NR3C1: variants seen among roughly 807,000 people sequenced by gnomAD.
NR3C1 encodes glucocorticoid receptor.
A neutral mutation model predicts 74.0 loss-of-function variants in NR3C1; 14 were observed. The observed-to-expected ratio is 0.19, with a 90% CI of 0.12 to 0.30. The LOEUF is 0.30. Ranked by LOEUF, NR3C1 falls within the 10% of genes least tolerant of loss-of-function variation. The pLI is 1.00. For synonymous variants in NR3C1, 308 were observed against 332.5 expected (o/e 0.93, Z 0.80); for missense variants, 695 against 909.8 (o/e 0.76, Z 3.04).
chr5:143,432,076 C>T (rs1462146079), intron 1 of NR3C1, among the ~76,000 whole-genome samples: 1 of 152,156 alleles, frequency 6.6e-6, no homozygotes, highest in East Asian at 1.9e-4. Context: ...GTAAAAACTG[C>T]CTTGCTTGGC....
rs1036308390 is a variant in NR3C1 at position 143,341,407 on chromosome 5, T to C, written c.1185-27239A>G. ...AGCAAAGTTATTAGAACAATGGTGA[T>C]TGTGAGAAGAGCTGAAAACAAAAGT... On this transcript the variant is annotated intron_variant, in intron 2 of 8. Transcript: ENST00000394464. Among the ~76,000 whole-genome samples the C allele has an allele frequency of 3.9e-5, 6 of 152,196 alleles. No individual in the cohort carries two copies. In the East Asian group the frequency reaches 1.2e-3, roughly 29 times the overall value.
chr5:143,347,408 T>C (rs189057010), intron 2 of NR3C1, among the ~76,000 whole-genome samples: 12 of 152,322 alleles, frequency 7.9e-5, no homozygotes, highest in Admixed American at 2.0e-4. Flanking sequence ...CTGCTATTTC[T>C]AGGCCTCAAC....
At chr5:143,428,965 A>G (rs1265443450) in intron 1 of NR3C1, among the ~76,000 whole-genome samples, 1 of 152,180 alleles carries the variant, frequency 6.6e-6, no homozygotes, top group Non-Finnish European at 1.5e-5. Flanking sequence ...TTTTGATTAA[A>G]GTTACTTTCA....
chr5:143,385,200 G>T (rs1044639265), intron 2 of NR3C1, among the ~76,000 whole-genome samples: 1 of 152,200 alleles, frequency 6.6e-6, no homozygotes, highest in Non-Finnish European at 1.5e-5. Flanking sequence ...AGAGAGCAGC[G>T]CAACCCTGGG....
Position 143,286,777 on chromosome 5 carries a change from A to G in NR3C1, c.2024-4052T>C, listed in dbSNP as rs554950028. On this transcript the variant is annotated intron_variant, in intron 7 of 8. Transcript: ENST00000394464. ...AATCAACTTGACCTAACTGACGTTC[A>G]TAAAACTCTACTTAACAAGAGCACA... Among the ~76,000 whole-genome samples, 32 of 152,292 alleles carry G rather than the reference A, an allele frequency of 2.1e-4. No individual in the cohort carries two copies. In the South Asian group the frequency reaches 6.6e-3, roughly 32 times the overall value.
intron 4 of NR3C1, among the ~76,000 whole-genome samples, chr5:143,309,420 C>G (rs1307522597): frequency 1.3e-5 from 2 of 152,150 alleles, no homozygotes; most frequent in East Asian, 1.9e-4. Context: ...TTTGATTGAG[C>G]AGTTTTTCAA....
At chr5:143,421,051 C>CA (rs970132734) in intron 1 of NR3C1, among the ~76,000 whole-genome samples, 2 of 151,826 alleles carry the variant, frequency 1.3e-5, no homozygotes, top group African/African-American at 4.8e-5. Context: ...TGAAATTCAC[C>CA]AAAAAAGATA....
At chr5:143,340,776 C>T (rs1004148333) in intron 2 of NR3C1, among the ~76,000 whole-genome samples, 8 of 152,150 alleles carry the variant, frequency 5.3e-5, no homozygotes, top group South Asian at 4.2e-4. Flanking sequence ...CCACCACACC[C>T]GGCCAAAAGG....
intron 3 of NR3C1, among the ~76,000 whole-genome samples, chr5:143,312,627 A>G (rs988364492): frequency 1.3e-5 from 2 of 152,350 alleles, no homozygotes; most frequent in East Asian, 1.9e-4. Flanking sequence ...GATATTTTCA[A>G]TTCACAATGG....
intron 2 of NR3C1, among the ~76,000 whole-genome samples, chr5:143,344,750 G>C (rs1439480521): frequency 6.6e-6 from 1 of 152,094 alleles, no homozygotes; most frequent in Non-Finnish European, 1.5e-5. Flanking sequence ...GCGGGCGCCT[G>C]TAATCCCAGC....
intron 2 of NR3C1, among the ~76,000 whole-genome samples, chr5:143,357,401 T>G (rs11955803): frequency 0.014 from 2,195 of 152,236 alleles, 51 homozygotes; most frequent in African/African-American, 0.05. Context: ...TATACAAAAT[T>G]GAGCATAGCA....
At chr5:143,337,071 G>A (rs1285579945) in intron 2 of NR3C1, among the ~76,000 whole-genome samples, 1 of 152,002 alleles carries the variant, frequency 6.6e-6, no homozygotes, top group Non-Finnish European at 1.5e-5. Flanking sequence ...GCACCATCAA[G>A]CTGACAAAAT....
chr5:143,376,117 GA>G (rs1277810015), intron 2 of NR3C1, among the ~76,000 whole-genome samples: 4 of 151,710 alleles, frequency 2.6e-5, no homozygotes, highest in African/African-American at 9.7e-5. Flanking sequence ...TCAGAAAGCT[GA>G]AAGATGTGGA....
At chr5:143,315,598 T>G (rs753791009) in intron 2 of NR3C1, among the ~76,000 whole-genome samples, 1 of 152,164 alleles carries the variant, frequency 6.6e-6, no homozygotes, top group Non-Finnish European at 1.5e-5. Flanking sequence ...CTTTATTATC[T>G]CTTGCTTTTA....
Position 143,312,667 on chromosome 5 carries a change from C to T in NR3C1, c.1351+1335G>A, listed in dbSNP as rs946828513. On this transcript the variant is annotated intron_variant, in intron 3 of 8. Coordinates refer to ENST00000394464, the MANE Select transcript of NR3C1 (RefSeq NM_000176.3). ...ATCTGGAGGCAACCCCATTGTAAGTCGAGGAGCCATACTGAATGCGTATCA... is the reference window on the plus strand; with the variant it reads ...ATCTGGAGGCAACCCCATTGTAAGTTGAGGAGCCATACTGAATGCGTATCA... Among the ~76,000 whole-genome samples the T allele has an allele frequency of 3.3e-5, 5 of 152,098 alleles. No homozygotes were observed. The East Asian group carries it at 9.6e-4, about 29-fold the overall frequency.
At chr5:143,418,371 C>T (rs1001772315) in intron 1 of NR3C1, among the ~76,000 whole-genome samples, 3 of 152,212 alleles carry the variant, frequency 2.0e-5, no homozygotes, top group African/African-American at 7.2e-5. Flanking sequence ...CTGCCCTCAA[C>T]TGCATGATTT....
In NR3C1 at chr5:143,281,084, A is replaced by C. The variant is rs1201736697; in HGVS notation, c.*805T>G. On this transcript the variant is annotated 3_prime_UTR_variant, in exon 9 of 9. Transcript: ENST00000394464. ...ACTGTTAATTTGCACAACCTATATA[A>C]TTCTCCACTGAAGCAGATATATACA... 6.7e-6 allele frequency: 1 copy of C among 149,816 alleles called. No individual in the cohort carries two copies. Among genetic ancestry groups the C allele is most frequent in the African/African-American group, 2.5e-5 (1 of 40,672 alleles). The allele number at this position is 149,816 out of a possible 1,614,324, so 9.3% of individuals were successfully genotyped here.
chr5:143,391,487 T>G (rs1838210589), intron 2 of NR3C1, among the ~76,000 whole-genome samples: 2 of 152,160 alleles, frequency 1.3e-5, no homozygotes, highest in African/African-American at 4.8e-5. Flanking sequence ...AATTAAGGTT[T>G]CCAATGACAA....
intron 2 of NR3C1, among the ~76,000 whole-genome samples, chr5:143,341,524 C>A (rs1828221330): frequency 6.6e-6 from 1 of 152,218 alleles, no homozygotes; most frequent in South Asian, 2.1e-4. Context: ...CATCTGGATA[C>A]ATGGCTCATA....
Sources: allele counts gnomAD v4.1 joint callset (sites outside exome capture counted in the v4.1 genomes callset), GRCh38; gene constraint gnomAD v4.1.1; transcripts MANE v1.5; gene names NCBI Gene and HGNC (gene_info 2026-07-23, HGNC 2026-07-21).